The following ZNF793 variants were observed in gnomAD, a reference collection of about 807,000 sequenced individuals.
ZNF793 encodes zinc finger protein 793.
In ZNF793, 5 loss-of-function variants were observed where a neutral mutation model predicts 12.4. The observed-to-expected ratio is 0.40, with a 90% CI of 0.21 to 0.84. The LOEUF (loss-of-function observed/expected upper bound fraction) is 0.84. Among genes scored for constraint, ZNF793 ranks in the 40% least tolerant of loss-of-function variants. The probability of loss-of-function intolerance (pLI) is 0.35; values close to 1 mark genes in which losing one functional copy is unlikely to be tolerated. For synonymous variants in ZNF793, 162 were observed against 172.4 expected (o/e 0.94, Z 0.47); for missense variants, 456 against 495.0 (o/e 0.92, Z 0.75).
intron 2 of ZNF793, among the ~76,000 whole-genome samples, 161 bp downstream of exon 2, chr19:37,508,564 G>A (rs1244198002): frequency 6.6e-6 from 1 of 152,094 alleles, no homozygotes; most frequent in Non-Finnish European, 1.5e-5. Flanking sequence ...AAATTAGCCG[G>A]GCGTGGTGGC....
rs1250758788 is a variant in ZNF793 at position 37,540,372 on chromosome 19, A to C, written c.*2493A>C. The C allele has an allele frequency of 6.6e-6, 1 of 151,712 alleles. No homozygotes were observed. Among genetic ancestry groups the C allele is most frequent in the African/African-American group, 2.4e-5 (1 of 41,386 alleles). 9.4% of individuals were successfully genotyped at this position (151,712 alleles called of 1,614,324 possible). A position where few individuals can be genotyped will look rare whatever the true frequency, so the allele number is the denominator to read the frequency against. ...AAATAGAATTCAGCCATATACCCAAAGAGTGACATAGTAAGAGTCATCCCA... is the reference window on the plus strand; with the variant it reads ...AAATAGAATTCAGCCATATACCCAACGAGTGACATAGTAAGAGTCATCCCA... On this transcript the variant is annotated 3_prime_UTR_variant, in exon 8 of 8. Coordinates refer to ENST00000627814, the MANE Select transcript of ZNF793 (RefSeq NM_001013659.3).
intron 5 of ZNF793, among the ~76,000 whole-genome samples, chr19:37,524,014 G>A (rs1220774804): frequency 1.3e-5 from 2 of 151,906 alleles, no homozygotes; most frequent in African/African-American, 4.8e-5. Flanking sequence ...GTTGGGCATG[G>A]TGGTGGGTGC....
rs896669789 is a variant in ZNF793, at chr19:37,543,261, C to T, written c.*5382C>T. On this transcript the variant is annotated 3_prime_UTR_variant, in exon 8 of 8. Coordinates refer to ENST00000627814, the MANE Select transcript of ZNF793 (RefSeq NM_001013659.3). ...GTAATAAGTTTTCTGAATACCTTTG[C>T]ATTGTCTTGTTCACATATATTGCTT... The T allele has an allele frequency of 2.0e-5, 3 of 152,144 alleles. No homozygotes were observed. The highest frequency in any genetic ancestry group is 4.4e-5 in the Non-Finnish European group (3 of 68,016). 9.4% of individuals were successfully genotyped at this position (152,144 alleles called of 1,614,324 possible). A position where few individuals can be genotyped will look rare whatever the true frequency, so the allele number is the denominator to read the frequency against.
At chr19:37,516,971 A>G (rs1472017406) in intron 2 of ZNF793, among the ~76,000 whole-genome samples, 1 of 152,172 alleles carries the variant, frequency 6.6e-6, no homozygotes, top group Non-Finnish European at 1.5e-5. Context: ...ACTAAGAAAG[A>G]TAATGATTGA....
At position 37,537,667 on chromosome 19, in the gene ZNF793, A is replaced by G; in HGVS notation, c.1009A>G (p.Arg337Gly). The G allele has an allele frequency of 1.2e-6, 2 of 1,613,742 alleles. No homozygotes were observed. Among genetic ancestry groups the G allele is most frequent in the Non-Finnish European group, 1.7e-6 (2 of 1,179,712 alleles). Residue 337 changes from arginine (R) to glycine (G), a missense_variant, in exon 8 of 8, where the codon AGA (arginine) becomes GGA (glycine). Transcript: ENST00000627814. Reference sequence around the variant, plus strand: ...ACATCGAAAAATGCACACAGGAGAAAGACCGTATCGTTGCAGAGAATGTGG... The same window carrying G: ...ACATCGAAAAATGCACACAGGAGAAGGACCGTATCGTTGCAGAGAATGTGG... ...NVHRKMHTGE[R>G]PYRCRECGKS...
intron 5 of ZNF793, among the ~76,000 whole-genome samples, chr19:37,528,134 A>T (rs112367446): frequency 0.011 from 1,641 of 152,236 alleles, 15 homozygotes; most frequent in African/African-American, 0.029. Flanking sequence ...ATCTCAAAAT[A>T]AATTAATTAA....
At chr19:37,518,844 G>A (rs570014391) in intron 2 of ZNF793, among the ~76,000 whole-genome samples, 1 of 149,690 alleles carries the variant, frequency 6.7e-6, no homozygotes, top group South Asian at 2.1e-4. Flanking sequence ...GCTTCCAGTT[G>A]TTTTACTTTT....
intron 2 of ZNF793, among the ~76,000 whole-genome samples, chr19:37,519,852 C>T (rs552718590): frequency 6.6e-6 from 1 of 152,292 alleles, no homozygotes; most frequent in East Asian, 1.9e-4. Flanking sequence ...GCATTTGAAC[C>T]CAGGTTGTCT....
chr19:37,527,560 A>G (rs916999450), intron 5 of ZNF793, among the ~76,000 whole-genome samples: 4 of 152,194 alleles, frequency 2.6e-5, no homozygotes, highest in African/African-American at 9.7e-5. Flanking sequence ...ACTATGGCAC[A>G]GAGAGGCTAA....
At chr19:37,526,089 C>G (rs2042413540) in intron 5 of ZNF793, among the ~76,000 whole-genome samples, 1 of 152,088 alleles carries the variant, frequency 6.6e-6, no homozygotes, top group Non-Finnish European at 1.5e-5. Context: ...CCTTGACTTC[C>G]TCCCTACTTT....
In ZNF793 at chr19:37,533,402, G is replaced by A. The variant is rs758353013; in HGVS notation, c.237G>A (p.Trp79Ter). 6 of 1,613,726 alleles carry A rather than the reference G, an allele frequency of 3.7e-6. No individual in the cohort carries two copies. Among genetic ancestry groups the A allele is most frequent in the Non-Finnish European group, 5.1e-6 (6 of 1,179,718 alleles). The change falls in exon 7 of 8, where the codon TGG becomes TGA. Residue 79 changes from tryptophan (W) to a stop codon, truncating the protein, a stop_gained and splice_region_variant. Coordinates refer to ENST00000627814, the MANE Select transcript of ZNF793 (RefSeq NM_001013659.3). LOFTEE classifies it low-confidence loss of function (END_TRUNC). ...GEAACPGCHC[W>*]EDIWRVNIQR... ...CAGCATGCCCGGGCTGCCACTGTTG[G>A]GGTAAGTGTGATAAATCTAGCAAAA...
At chr19:37,509,653 C>T (rs1426776522) in intron 2 of ZNF793, among the ~76,000 whole-genome samples, 1 of 152,192 alleles carries the variant, frequency 6.6e-6, no homozygotes, top group Non-Finnish European at 1.5e-5. Flanking sequence ...GTAATTTTTT[C>T]TCCATGTTGA....
chr19:37,536,584 TGA>T (rs1446099551), intron 7 of ZNF793: 2 of 408,794 alleles, frequency 4.9e-6, no homozygotes, highest in Non-Finnish European at 8.6e-6. Context: ...GCGGGAGAGT[TGA>T]GTCATTGTGA....
rs1427550094 is a variant in ZNF793 at position 37,539,074 on chromosome 19, A to C, written c.*1195A>C. The C allele has an allele frequency of 3.3e-5, 5 of 152,238 alleles. No homozygotes were observed. Among genetic ancestry groups the C allele is most frequent in the Admixed American group, 3.3e-4 (5 of 15,286 alleles). The allele number at this position is 152,238 out of a possible 1,614,324, so 9.4% of individuals were successfully genotyped here. On this transcript the variant is annotated 3_prime_UTR_variant, in exon 8 of 8. Coordinates refer to ENST00000627814, the MANE Select transcript of ZNF793 (RefSeq NM_001013659.3). ...GGTTGTTACTGTCCTCTGCAGAAAT[A>C]ATAAAGCAGTGTTTTTAAATGTATT...
intron 5 of ZNF793, among the ~76,000 whole-genome samples, chr19:37,532,044 C>G (rs2042466079): frequency 2.0e-5 from 3 of 147,366 alleles, no homozygotes. Context: ...GAGATGGACT[C>G]CTGCTCTAGC....
intron 2 of ZNF793, among the ~76,000 whole-genome samples, chr19:37,508,812 CAACTT>C (rs1282424586): frequency 6.6e-6 from 1 of 152,142 alleles, no homozygotes; most frequent in Non-Finnish European, 1.5e-5. Context: ...TATCTAGGCT[CAACTT>C]AAATTATCAA....
intron 2 of ZNF793, among the ~76,000 whole-genome samples, chr19:37,513,778 T>C (rs2042310725): frequency 6.6e-6 from 1 of 152,182 alleles, no homozygotes; most frequent in African/African-American, 2.4e-5. Context: ...GTGAATCATA[T>C]TATGTATTTT....
At chr19:37,527,905 G>A (rs1039172382) in intron 5 of ZNF793, among the ~76,000 whole-genome samples, 1 of 151,934 alleles carries the variant, frequency 6.6e-6, no homozygotes, top group African/African-American at 2.4e-5. Context: ...GATCGCTTGA[G>A]GTCAGGAGTT....
intron 2 of ZNF793, among the ~76,000 whole-genome samples, chr19:37,510,116 T>C (rs1431541357): frequency 1.3e-5 from 2 of 152,090 alleles, no homozygotes; most frequent in Non-Finnish European, 2.9e-5. Flanking sequence ...ATCTCAGTGC[T>C]TTGGAAGGCT....
Sources: allele counts gnomAD v4.1 joint callset (sites outside exome capture counted in the v4.1 genomes callset), GRCh38; gene constraint gnomAD v4.1.1; transcripts MANE v1.5; gene names NCBI Gene and HGNC (gene_info 2026-07-23, HGNC 2026-07-21).